Variants in GPC5 observed in about 807,000 individuals in gnomAD.
The protein encoded by GPC5 is glypican 5, also known as glypican-5.
Under a neutral mutation model 53.9 loss-of-function variants are expected in GPC5, and 47 were observed. The ratio of observed to expected loss-of-function variants is 0.87; its 90% CI spans 0.69 to 1.11. GPC5 has a LOEUF of 1.11. Ranked by LOEUF, GPC5 falls within the 50% of genes most tolerant of loss-of-function variation. GPC5 has a pLI of 0.00. For synonymous variants in GPC5, 286 were observed against 263.3 expected, an observed-to-expected ratio of 1.09 and a Z score of -0.84; for missense variants, 748 against 713.1, an observed-to-expected ratio of 1.05 and a Z score of -0.56.
intron 2 of GPC5, among the ~76,000 whole-genome samples, chr13:91,555,354 G>T (rs527761210): frequency 1.3e-5 from 2 of 152,132 alleles, no homozygotes; most frequent in South Asian, 2.1e-4. Flanking sequence ...TCCTCAAAAA[G>T]ATGCTTATCT....
intron 6 of GPC5, among the ~76,000 whole-genome samples, chr13:92,027,332 T>C (rs559075361): frequency 5.1e-4 from 78 of 152,278 alleles, no homozygotes; most frequent in Non-Finnish European, 7.8e-4. Context: ...GATAGGTTCT[T>C]GGAAACTGTG....
At chr13:91,783,628 G>C (rs2037832675) in intron 5 of GPC5, among the ~76,000 whole-genome samples, 2 of 152,122 alleles carry the variant, frequency 1.3e-5, no homozygotes, top group Admixed American at 6.5e-5. Flanking sequence ...TTTTAGTAGA[G>C]ATGGGGTTTC....
chr13:91,933,746 T>C (rs1289555739), intron 6 of GPC5, among the ~76,000 whole-genome samples: 1 of 151,980 alleles, frequency 6.6e-6, no homozygotes, highest in Non-Finnish European at 1.5e-5. Flanking sequence ...CTGTGTATCA[T>C]AGTGATTTGT....
chr13:92,562,544 T>C (rs1310332452), intron 7 of GPC5, among the ~76,000 whole-genome samples: 1 of 152,096 alleles, frequency 6.6e-6, no homozygotes, highest in Non-Finnish European at 1.5e-5. Flanking sequence ...TCTGAAATAC[T>C]CTGTCTGTTA....
At chr13:92,583,931 C>T (rs1883450432) in intron 7 of GPC5, among the ~76,000 whole-genome samples, 1 of 152,118 alleles carries the variant, frequency 6.6e-6, no homozygotes, top group Non-Finnish European at 1.5e-5. Flanking sequence ...TGCCTGCTGC[C>T]ATCCACGTAA....
At chr13:92,071,515 C>A (rs1471519977) in intron 6 of GPC5, among the ~76,000 whole-genome samples, 4 of 151,994 alleles carry the variant, frequency 2.6e-5, no homozygotes, top group Non-Finnish European at 5.9e-5. Flanking sequence ...TAACCAGTTA[C>A]CCTGGTTCCT....
intron 7 of GPC5, among the ~76,000 whole-genome samples, chr13:92,802,315 TACA>T (rs1876935573): frequency 6.6e-6 from 1 of 151,884 alleles, no homozygotes; most frequent in Admixed American, 6.6e-5. Context: ...ATGACGTTCA[TACA>T]ACGATTAAAT....
At chr13:91,914,775 ACAC>A (rs2039643145) in intron 6 of GPC5, among the ~76,000 whole-genome samples, 1 of 134,148 alleles carries the variant, frequency 7.5e-6, no homozygotes, top group Admixed American at 7.6e-5. Context: ...ACACACACAC[ACAC>A]AACACAATCA....
At chr13:92,657,579 G>GTTTTTTTTTTT (rs67038073) in intron 7 of GPC5, among the ~76,000 whole-genome samples, 4 of 106,730 alleles carry the variant, frequency 3.7e-5, no homozygotes, top group East Asian at 3.3e-4. Flanking sequence ...AGGTTTTTTG[G>GTTTTTTTTTTT]TTTTTTTTTT....
At chr13:91,775,474 AT>A (rs762982195) in intron 5 of GPC5, among the ~76,000 whole-genome samples, 1 of 152,080 alleles carries the variant, frequency 6.6e-6, no homozygotes, top group African/African-American at 2.4e-5. Context: ...CAACAATGCA[AT>A]TTTTTTGTGT....
At chr13:92,545,443 G>A (rs1882075705) in intron 7 of GPC5, among the ~76,000 whole-genome samples, 1 of 152,148 alleles carries the variant, frequency 6.6e-6, no homozygotes, top group South Asian at 2.1e-4. Context: ...CCAGTAATGG[G>A]ATGGCTGGGT....
chr13:91,609,476 C>T (rs867630430), intron 2 of GPC5, among the ~76,000 whole-genome samples: 8 of 152,186 alleles, frequency 5.3e-5, no homozygotes, highest in Admixed American at 1.3e-4. Flanking sequence ...ACTCTAAACA[C>T]GTCACCAATT....
chr13:92,520,684 G>A (rs1881005951), intron 7 of GPC5, among the ~76,000 whole-genome samples: 1 of 152,064 alleles, frequency 6.6e-6, no homozygotes, highest in African/African-American at 2.4e-5. Flanking sequence ...ATACTGAATG[G>A]GCACAAACTG....
Position 92,862,614 on chromosome 13 carries a change from G to GAGAT in GPC5, c.1562-3660_1562-3657dup, listed in dbSNP as rs769698961. 2.5e-3 allele frequency among the ~76,000 whole-genome samples: 361 copies of GAGAT among 142,098 alleles called. 1 individual carries two copies. The highest frequency in any genetic ancestry group is 8.8e-3 in the East Asian group (41 of 4,642). The allele number at this position is 142,098 out of a possible 152,430, so 93.2% of individuals were successfully genotyped here. A position where few individuals can be genotyped will look rare whatever the true frequency, so the allele number is the denominator to read the frequency against. Reference sequence around the variant, plus strand: ...AATCTGGTGTCAGATATATCTAGTGGAGATAGATAGACAGATAGATAGATA... The same window carrying GAGAT: ...AATCTGGTGTCAGATATATCTAGTGGAGATAGATAGATAGACAGATAGATAGATA... On this transcript the variant is annotated intron_variant, in intron 7 of 7. Transcript: ENST00000377067.
At chr13:92,480,353 A>C (rs567539572) in intron 7 of GPC5, among the ~76,000 whole-genome samples, 2 of 152,192 alleles carry the variant, frequency 1.3e-5, no homozygotes, top group Non-Finnish European at 2.9e-5. Flanking sequence ...AAAAGTAAAA[A>C]GCTTAAATAA....
At chr13:92,408,785 A>G (rs1420894715) in intron 7 of GPC5, among the ~76,000 whole-genome samples, 1 of 151,796 alleles carries the variant, frequency 6.6e-6, no homozygotes, top group African/African-American at 2.4e-5. Flanking sequence ...ATGGATAAAA[A>G]TAAAGAATAA....
At chr13:92,270,044 AG>A (rs1171008590) in intron 7 of GPC5, among the ~76,000 whole-genome samples, 1 of 152,102 alleles carries the variant, frequency 6.6e-6, no homozygotes, top group South Asian at 2.1e-4. Flanking sequence ...ACTGTGGTTC[AG>A]GGAAGGGTAA....
intron 7 of GPC5, among the ~76,000 whole-genome samples, chr13:92,300,253 C>T (rs1197760302): frequency 1.3e-5 from 2 of 151,992 alleles, no homozygotes; most frequent in African/African-American, 2.4e-5. Context: ...ACACACTGCA[C>T]CAATTTCTCT....
intron 7 of GPC5, among the ~76,000 whole-genome samples, chr13:92,363,657 C>T (rs1205236618): frequency 6.6e-6 from 1 of 151,660 alleles, no homozygotes; most frequent in Non-Finnish European, 1.5e-5. Context: ...GGGACCCATA[C>T]CCTAGACAAA....
Sources: allele counts gnomAD v4.1 joint callset (sites outside exome capture counted in the v4.1 genomes callset), GRCh38; gene constraint gnomAD v4.1.1; transcripts MANE v1.5; gene names NCBI Gene and HGNC (gene_info 2026-07-23, HGNC 2026-07-21).